RSRC1: variants seen among roughly 807,000 people sequenced by gnomAD.
RSRC1 encodes arginine and serine rich coiled-coil 1.
RSRC1 carries 39 observed loss-of-function variants against 49.1 expected under a neutral mutation model. The ratio of observed to expected loss-of-function variants is 0.79; its 90% CI spans 0.61 to 1.04. RSRC1 has a LOEUF of 1.04. Ranked by LOEUF, RSRC1 falls within the 50% of genes least tolerant of loss-of-function variation. The pLI is 0.00. For missense variants in RSRC1, 388 were observed against 402.4 expected, an observed-to-expected ratio of 0.96 and a Z score of 0.31; for synonymous variants, 143 against 130.8, an observed-to-expected ratio of 1.09 and a Z score of -0.63.
At chr3:158,374,728 G>A (rs186218227) in intron 6 of RSRC1, among the ~76,000 whole-genome samples, 17 of 151,440 alleles carry the variant, frequency 1.1e-4, no homozygotes, top group African/African-American at 3.9e-4. Context: ...TGCCAATGAT[G>A]TATTATATAT....
At position 158,487,953 on chromosome 3, in the gene RSRC1, A is replaced by G. The variant is rs1241574942; in HGVS notation, c.652+26950A>G. 7.0e-4 allele frequency among the ~76,000 whole-genome samples: 97 copies of G among 138,100 alleles called. 4 individuals carry two copies. Among genetic ancestry groups the G allele is most frequent in the African/African-American group, 2.0e-3 (67 of 33,214 alleles). 90.6% of individuals were successfully genotyped at this position (138,100 alleles called of 152,430 possible). On this transcript the variant is annotated intron_variant, in intron 7 of 9. Transcript: ENST00000611884. ...AGACAAGAGACTCCATCTCAAGAAA[A>G]AAAAAAAAAAAAAAAAAAAAACTGG... is the stretch of plus-strand genomic sequence containing the variant.
intron 7 of RSRC1, among the ~76,000 whole-genome samples, chr3:158,493,087 G>A (rs1739154264): frequency 6.6e-6 from 1 of 152,148 alleles, no homozygotes; most frequent in Admixed American, 6.5e-5. Context: ...TACTGGAGGG[G>A]GAGTGGGAAT....
intron 4 of RSRC1, among the ~76,000 whole-genome samples, chr3:158,284,524 T>G (rs1726390442): frequency 6.7e-6 from 1 of 148,818 alleles, no homozygotes; most frequent in Non-Finnish European, 1.5e-5. Context: ...GTAAAAGTGT[T>G]CCTATTTCTC....
intron 5 of RSRC1, among the ~76,000 whole-genome samples, chr3:158,300,254 G>A (rs1043076080): frequency 6.6e-6 from 1 of 152,122 alleles, no homozygotes; most frequent in Admixed American, 6.6e-5. Flanking sequence ...TGATTTGAAT[G>A]CATTTTATCT....
intron 6 of RSRC1, among the ~76,000 whole-genome samples, chr3:158,436,411 A>T (rs943205765): frequency 4.6e-5 from 7 of 151,750 alleles, no homozygotes; most frequent in Non-Finnish European, 8.8e-5. Context: ...AAACTTTAAA[A>T]ATATATATAT....
chr3:158,204,623 G>A (rs1721249769), intron 4 of RSRC1, among the ~76,000 whole-genome samples: 1 of 152,104 alleles, frequency 6.6e-6, no homozygotes, highest in Non-Finnish European at 1.5e-5. Flanking sequence ...TTCGAAGGGA[G>A]GATTTACATA....
At chr3:158,420,141 A>G (rs1226482912) in intron 6 of RSRC1, among the ~76,000 whole-genome samples, 1 of 152,010 alleles carries the variant, frequency 6.6e-6, no homozygotes, top group Non-Finnish European at 1.5e-5. Flanking sequence ...AGGTGTGCTC[A>G]CAGGGTAGCA....
chr3:158,193,656 C>T (rs992657269), intron 3 of RSRC1, among the ~76,000 whole-genome samples: 1 of 151,926 alleles, frequency 6.6e-6, no homozygotes, highest in Non-Finnish European at 1.5e-5. Flanking sequence ...TATCAGAAAA[C>T]TTTAGAATTT....
chr3:158,268,442 G>A (rs539981673), intron 4 of RSRC1, among the ~76,000 whole-genome samples: 21 of 152,106 alleles, frequency 1.4e-4, no homozygotes, highest in East Asian at 1.9e-4. Flanking sequence ...CTGCATTTCC[G>A]TTTTACATTT....
chr3:158,526,771 A>G (rs924900433), intron 7 of RSRC1, among the ~76,000 whole-genome samples: 2 of 152,012 alleles, frequency 1.3e-5, no homozygotes, highest in Non-Finnish European at 2.9e-5. Flanking sequence ...AAGAGACATT[A>G]GAACTCATAA....
chr3:158,519,323 A>T (rs56276432), intron 7 of RSRC1, among the ~76,000 whole-genome samples: 46,826 of 151,642 alleles, frequency 0.31, 7,419 homozygotes, highest in South Asian at 0.41. Context: ...TAGAGTGACC[A>T]GCGGTTTCTC....
intron 7 of RSRC1, among the ~76,000 whole-genome samples, chr3:158,474,529 T>C (rs965759517): frequency 6.6e-6 from 1 of 152,190 alleles, no homozygotes; most frequent in Admixed American, 6.5e-5. Context: ...ACAATGAAGT[T>C]TGCTGCATTG....
intron 6 of RSRC1, among the ~76,000 whole-genome samples, chr3:158,426,890 A>T (rs962033163): frequency 9.2e-5 from 14 of 151,814 alleles, no homozygotes; most frequent in Non-Finnish European, 1.5e-4. Flanking sequence ...CTCTTTGAAA[A>T]TCTAATTTAT....
At chr3:158,191,970 G>C (rs868558217) in intron 3 of RSRC1, among the ~76,000 whole-genome samples, 20 of 151,998 alleles carry the variant, frequency 1.3e-4, no homozygotes, top group African/African-American at 4.6e-4. Flanking sequence ...GAAGTTAGCA[G>C]CTTAGTTTAT....
intron 6 of RSRC1, 113 bp from the exon 7 acceptor site, chr3:158,460,822 C>T (rs1737569415): frequency 1.9e-6 from 1 of 528,770 alleles, no homozygotes; most frequent in Admixed American, 3.9e-5. Flanking sequence ...TTGTTTCTTT[C>T]TTGTGATTAC....
chr3:158,212,076 A>G (rs1049162516), intron 4 of RSRC1, among the ~76,000 whole-genome samples: 2 of 151,868 alleles, frequency 1.3e-5, no homozygotes, highest in African/African-American at 4.8e-5. Flanking sequence ...TTCCCATTGT[A>G]TTTGTACCTA....
chr3:158,255,608 A>G (rs1415097138), intron 4 of RSRC1, among the ~76,000 whole-genome samples: 1 of 152,190 alleles, frequency 6.6e-6, no homozygotes, highest in Non-Finnish European at 1.5e-5. Flanking sequence ...GAAGAAAGTC[A>G]TTGGTAGCTT....
intron 7 of RSRC1, among the ~76,000 whole-genome samples, chr3:158,463,984 C>T (rs1172456771): frequency 6.6e-6 from 1 of 150,440 alleles, no homozygotes; most frequent in Non-Finnish European, 1.5e-5. Flanking sequence ...CAGTAAAGGT[C>T]AACTAAATAT....
intron 3 of RSRC1, among the ~76,000 whole-genome samples, chr3:158,135,668 C>T (rs890338117): frequency 3.9e-5 from 6 of 151,934 alleles, no homozygotes; most frequent in African/African-American, 1.2e-4. Context: ...ATGCAAAATG[C>T]AAATCTGATA....
Sources: gnomAD v4.1 joint callset for allele counts (sites outside exome capture counted in the v4.1 genomes callset) on GRCh38, gnomAD v4.1.1 for gene constraint, MANE v1.5 for transcripts, NCBI Gene and HGNC (gene_info 2026-07-23, HGNC 2026-07-21) for gene names.